The following PSAT1 variants were observed in gnomAD, a reference collection of about 807,000 sequenced individuals.
PSAT1 encodes phosphoserine aminotransferase 1, also known as phosphoserine aminotransferase.
A neutral mutation model predicts 40.3 loss-of-function variants in PSAT1; 41 were observed. The observed-to-expected ratio is 1.02, with a 90% CI of 0.79 to 1.32. PSAT1 has a LOEUF of 1.32. Ranked by LOEUF, PSAT1 falls within the 40% of genes most tolerant of loss-of-function variation. The pLI is 0.00. For missense variants in PSAT1, 406 were observed against 455.8 expected (o/e 0.89, Z 0.99); for synonymous variants, 147 against 170.5 (o/e 0.86, Z 1.07).
intron 1 of PSAT1, among the ~76,000 whole-genome samples, chr9:78,299,380 G>A (rs1330997087): frequency 1.3e-5 from 2 of 151,850 alleles, no homozygotes; most frequent in African/African-American, 4.8e-5. Flanking sequence ...ACAGATGAAT[G>A]TTTCTCTTTA....
intron 1 of PSAT1, 28 bp from the exon 2 acceptor site, chr9:78,300,573 TA>T (rs775453670): frequency 1.2e-6 from 2 of 1,603,694 alleles, no homozygotes; most frequent in South Asian, 2.2e-5. Flanking sequence ...CATATTTAAA[TA>T]ACCCTATTTT....
At chr9:78,297,381 C>T in intron 1 of PSAT1, 111 bp downstream of exon 1, 2 of 1,281,138 alleles carry the variant, frequency 1.6e-6, no homozygotes, top group Non-Finnish European at 1.1e-6. Context: ...GCCTTGAGTC[C>T]CCTAGGCGCT....
At chr9:78,325,514 T>C (rs1486006828) in intron 7 of PSAT1, among the ~76,000 whole-genome samples, 1 of 152,250 alleles carries the variant, frequency 6.6e-6, no homozygotes, top group Non-Finnish European at 1.5e-5. Context: ...CCTTTGCAGA[T>C]GCAGCTGTCT....
intron 6 of PSAT1, among the ~76,000 whole-genome samples, chr9:78,309,507 T>C (rs7870987): frequency 0.31 from 47,025 of 151,876 alleles, 7,580 homozygotes; most frequent in East Asian, 0.45. Context: ...GGATTACAGG[T>C]GCGTGCCACT....
chr9:78,321,584 A>G (rs1362934244), intron 7 of PSAT1, among the ~76,000 whole-genome samples: 1 of 151,920 alleles, frequency 6.6e-6, no homozygotes, highest in East Asian at 1.9e-4. Flanking sequence ...GCTCCTTAAC[A>G]TAGTTCCAGG....
rs182549285 is a variant in PSAT1 at position 78,324,917 on chromosome 9, G to A, written c.870-3134G>A. 9.2e-3 allele frequency among the ~76,000 whole-genome samples: 1,397 copies of A among 152,178 alleles called. 14 individuals carry two copies. Among genetic ancestry groups the A allele is most frequent in the Non-Finnish European group, 0.013 (896 of 68,012 alleles). On this transcript the variant is annotated intron_variant, in intron 7 of 8. Coordinates refer to ENST00000376588, the MANE Select transcript of PSAT1 (RefSeq NM_058179.4). ...CCCATGCTTGAAGCTCCTCGGTGCC[G>A]GCACCTTGGTACAGGCCCTAGTTCT...
At chr9:78,326,955 A>ATATATATTTTT in intron 7 of PSAT1, among the ~76,000 whole-genome samples, 1 of 75,964 alleles carries the variant, frequency 1.3e-5, no homozygotes, top group Non-Finnish European at 2.1e-5. Context: ...ATATATATAT[A>ATATATATTTTT]TTTTTTTTTT....
chr9:78,318,443 T>A (rs1379764392), intron 7 of PSAT1, among the ~76,000 whole-genome samples: 2 of 152,218 alleles, frequency 1.3e-5, no homozygotes, highest in Admixed American at 1.3e-4. Flanking sequence ...TGTAACAAAG[T>A]ACTACAGACT....
At chr9:78,322,947 G>A (rs971246672) in intron 7 of PSAT1, among the ~76,000 whole-genome samples, 1 of 152,170 alleles carries the variant, frequency 6.6e-6, no homozygotes, top group Admixed American at 6.5e-5. Context: ...AGATTGCAGC[G>A]CTCATTATAA....
At chr9:78,310,190 T>G (rs1828245828) in intron 6 of PSAT1, among the ~76,000 whole-genome samples, 1 of 152,136 alleles carries the variant, frequency 6.6e-6, no homozygotes, top group Non-Finnish European at 1.5e-5. Context: ...CGTTTAATCC[T>G]CCCAACTACC....
Position 78,324,214 on chromosome 9 carries a change from C to T in PSAT1, c.870-3837C>T, listed in dbSNP as rs141314029. On this transcript the variant is annotated intron_variant, in intron 7 of 8. Transcript: ENST00000376588. ...TCCTGGGGTTCCTCATTTACGTGGTCGGTGAGCTGTTGAGAGGCTTCAGGA... is the reference window on the plus strand; with the variant it reads ...TCCTGGGGTTCCTCATTTACGTGGTTGGTGAGCTGTTGAGAGGCTTCAGGA... 8.4e-4 allele frequency among the ~76,000 whole-genome samples: 128 copies of T among 152,254 alleles called. No homozygotes were observed. The South Asian group carries it at 0.013, about 16-fold the overall frequency.
intron 7 of PSAT1, among the ~76,000 whole-genome samples, chr9:78,318,740 C>T (rs1277907163): frequency 1.3e-5 from 2 of 152,218 alleles, no homozygotes; most frequent in African/African-American, 2.4e-5. Context: ...CGAGATCCTT[C>T]ACATAATGAC....
At chr9:78,323,486 G>A (rs1009596667) in intron 7 of PSAT1, among the ~76,000 whole-genome samples, 3 of 152,160 alleles carry the variant, frequency 2.0e-5, no homozygotes, top group East Asian at 1.9e-4. Context: ...AAGCTGAGGC[G>A]GGAGGATCGC....
intron 1 of PSAT1, 102 bp downstream of exon 1, chr9:78,297,372 C>T: frequency 7.6e-7 from 1 of 1,321,112 alleles, no homozygotes; most frequent in Non-Finnish European, 1.1e-6. Flanking sequence ...CCGCTCCCTG[C>T]CTTGAGTCCC....
chr9:78,315,178 C>T (rs1182098451), intron 6 of PSAT1, among the ~76,000 whole-genome samples: 1 of 152,212 alleles, frequency 6.6e-6, no homozygotes, highest in African/African-American at 2.4e-5. Flanking sequence ...GTCCCACTCG[C>T]AGGGGAGCTA....
chr9:78,300,038 A>G (rs756344659), intron 1 of PSAT1, among the ~76,000 whole-genome samples: 11 of 152,118 alleles, frequency 7.2e-5, no homozygotes, highest in Non-Finnish European at 1.2e-4. Context: ...CACATACACA[A>G]AGATAAAAGT....
intron 6 of PSAT1, among the ~76,000 whole-genome samples, chr9:78,313,679 C>T (rs1479852003): frequency 6.6e-6 from 1 of 152,142 alleles, no homozygotes; most frequent in African/African-American, 2.4e-5. Context: ...GGGTCTTGCT[C>T]TGTTGTGCAG....
chr9:78,306,184 G>A (rs908829628), intron 4 of PSAT1, 130 bp from the exon 5 acceptor site: 42 of 981,950 alleles, frequency 4.3e-5, no homozygotes, highest in Middle Eastern at 3.1e-4. Context: ...GCTTTCACTC[G>A]TGCAATGCTT....
At chr9:78,302,337 T>C (rs1215958468) in intron 3 of PSAT1, among the ~76,000 whole-genome samples, 1 of 152,170 alleles carries the variant, frequency 6.6e-6, no homozygotes, top group African/African-American at 2.4e-5. Context: ...GAAATGGTCA[T>C]CTTTGTCAGC....
Sources: allele counts gnomAD v4.1 joint callset (sites outside exome capture counted in the v4.1 genomes callset), GRCh38; gene constraint gnomAD v4.1.1; transcripts MANE v1.5; gene names NCBI Gene and HGNC (gene_info 2026-07-23, HGNC 2026-07-21).